TAS2R1: variants seen among roughly 807,000 people sequenced by gnomAD.
TAS2R1 encodes taste 2 receptor member 1, also known as taste receptor type 2 member 1.
For synonymous variants in TAS2R1, 141 were observed against 134.2 expected (o/e 1.05, Z -0.35); for missense variants, 370 against 353.4 (o/e 1.05, Z -0.38).
At chr5:9,877,529 T>G in the TAS2R1 span, among the ~76,000 whole-genome samples, 4 of 152,188 alleles carry the variant, frequency 2.6e-5, no homozygotes, top group Non-Finnish European at 5.9e-5. Flanking sequence ...ACACATGCAG[T>G]CTCCCAATTA....
the TAS2R1 span, among the ~76,000 whole-genome samples, chr5:9,774,648 G>A: frequency 6.6e-6 from 1 of 152,210 alleles, no homozygotes; most frequent in Non-Finnish European, 1.5e-5. Context: ...CTGCATTAGG[G>A]GGCACCCCAA....
chr5:9,759,131 G>A, the TAS2R1 span, among the ~76,000 whole-genome samples: 287 of 152,246 alleles, frequency 1.9e-3, 1 homozygote, highest in African/African-American at 6.6e-3. Flanking sequence ...AACATCTAAG[G>A]TAATTACAAA....
the TAS2R1 span, among the ~76,000 whole-genome samples, chr5:9,781,860 C>G: frequency 6.6e-6 from 1 of 152,212 alleles, no homozygotes; most frequent in Non-Finnish European, 1.5e-5. Context: ...TATCCTCACC[C>G]TGCTCTGACT....
the TAS2R1 span, among the ~76,000 whole-genome samples, chr5:9,805,140 C>T: frequency 1.3e-5 from 2 of 151,868 alleles, no homozygotes; most frequent in Non-Finnish European, 2.9e-5. Context: ...ACTAGAAAAC[C>T]TAGAGGAGAC....
At chr5:9,866,834 T>C in the TAS2R1 span, among the ~76,000 whole-genome samples, 2 of 152,180 alleles carry the variant, frequency 1.3e-5, no homozygotes, top group East Asian at 3.9e-4. Context: ...ACACCTCTCT[T>C]TGTTTCCCTC....
the TAS2R1 span, among the ~76,000 whole-genome samples, chr5:9,788,797 T>C: frequency 6.6e-6 from 1 of 152,280 alleles, no homozygotes; most frequent in East Asian, 1.9e-4. Context: ...AGGTTGTAAG[T>C]GAAATATGAA....
At chr5:9,891,503 C>T in the TAS2R1 span, among the ~76,000 whole-genome samples, 1 of 152,182 alleles carries the variant, frequency 6.6e-6, no homozygotes, top group African/African-American at 2.4e-5. Flanking sequence ...CACATGAGTA[C>T]TTTGGATCCC....
rs547787342 is a variant in TAS2R1 at position 9,669,939 on chromosome 5, AC to A, written c.-241-10359del. ...CTGAAGGAAATTGAGACACAAAAAA[AC>A]ATATAAAAGATCAAAGAATCTACAA... On this transcript the variant is annotated intron_variant, in intron 1 of 2. Transcript: ENST00000506620. Among the ~76,000 whole-genome samples the A allele has an allele frequency of 3.5e-4, 54 of 152,240 alleles. No homozygotes were observed. In the South Asian group the frequency reaches 7.7e-3, roughly 22 times the overall value.
At chr5:9,758,054 T>C in the TAS2R1 span, among the ~76,000 whole-genome samples, 1 of 152,172 alleles carries the variant, frequency 6.6e-6, no homozygotes, top group Admixed American at 6.5e-5. Context: ...TTAAAAGTTT[T>C]CAACGTAGCA....
the TAS2R1 span, among the ~76,000 whole-genome samples, chr5:9,742,249 T>C: frequency 1.1e-4 from 16 of 152,298 alleles, no homozygotes; most frequent in East Asian, 2.3e-3. Flanking sequence ...ACAGATGATT[T>C]GCAAAGAATA....
chr5:9,803,583 A>G, the TAS2R1 span, among the ~76,000 whole-genome samples: 2 of 152,240 alleles, frequency 1.3e-5, no homozygotes, highest in Admixed American at 1.3e-4. Context: ...CTGGGGTCCT[A>G]TCTTTAGCCT....
the TAS2R1 span, among the ~76,000 whole-genome samples, chr5:9,733,139 C>T: frequency 1.3e-5 from 2 of 152,214 alleles, no homozygotes; most frequent in Admixed American, 6.5e-5. Context: ...ACAATCACAA[C>T]TCTAAATGAT....
upstream of TAS2R1, among the ~76,000 whole-genome samples, chr5:9,712,592 G>A (rs1015481028): frequency 9.9e-5 from 15 of 152,170 alleles, no homozygotes; most frequent in African/African-American, 3.4e-4. Context: ...TGCCTGGCCT[G>A]CCATGTGGAA....
the TAS2R1 span, among the ~76,000 whole-genome samples, chr5:9,745,202 G>T: frequency 6.6e-6 from 1 of 152,148 alleles, no homozygotes; most frequent in Admixed American, 6.5e-5. Context: ...AGGTTAGGAG[G>T]TAATATTGAC....
intron 1 of TAS2R1, among the ~76,000 whole-genome samples, chr5:9,665,406 G>T (rs887119824): frequency 6.6e-6 from 1 of 152,222 alleles, no homozygotes; most frequent in Admixed American, 6.5e-5. Flanking sequence ...CCCTGGGTTT[G>T]GCATCCTATC....
At chr5:9,778,026 G>A in the TAS2R1 span, among the ~76,000 whole-genome samples, 33 of 152,130 alleles carry the variant, frequency 2.2e-4, 1 homozygote, top group South Asian at 1.7e-3. Context: ...GACTACAGGC[G>A]CCCGCCACCG....
the TAS2R1 span, among the ~76,000 whole-genome samples, chr5:9,784,940 A>G: frequency 6.6e-6 from 1 of 152,226 alleles, no homozygotes; most frequent in African/African-American, 2.4e-5. Flanking sequence ...CTACTCTGAG[A>G]TCCTGGGGGT....
At chr5:9,638,982 A>T (rs1740021076) in intron 2 of TAS2R1, among the ~76,000 whole-genome samples, 1 of 152,192 alleles carries the variant, frequency 6.6e-6, no homozygotes, top group Non-Finnish European at 1.5e-5. Flanking sequence ...GCCCCCGCTC[A>T]GTGCCCAAGA....
At chr5:9,726,365 C>T in the TAS2R1 span, among the ~76,000 whole-genome samples, 1 of 152,208 alleles carries the variant, frequency 6.6e-6, no homozygotes. Flanking sequence ...AAACAGACCA[C>T]TGGGCTCTAC....
Sources: allele counts gnomAD v4.1 joint callset (sites outside exome capture counted in the v4.1 genomes callset), GRCh38; gene constraint gnomAD v4.1.1; transcripts MANE v1.5; gene names NCBI Gene and HGNC (gene_info 2026-07-23, HGNC 2026-07-21).